The following USP19 variants were observed in gnomAD, a reference collection of about 807,000 sequenced individuals.
USP19 encodes ubiquitin carboxyl-terminal hydrolase 19.
USP19 carries 40 observed loss-of-function variants against 144.8 expected under a neutral mutation model. That is an observed-to-expected ratio of 0.28 (90% CI 0.21 to 0.36). The LOEUF is 0.36. Ranked by LOEUF, USP19 falls within the 10% of genes least tolerant of loss-of-function variation. USP19 has a pLI of 1.00. For synonymous variants in USP19, 701 were observed against 709.3 expected (o/e 0.99, Z 0.19); for missense variants, 1,518 against 1,822.5 (o/e 0.83, Z 3.04).
Position 49,108,539 on chromosome 3 carries a change from A to C in USP19, c.4039-11T>G. ...GCCAGGGCCTAGTCCCTGCAACAGAATACGAGGACAGGGGTTGGGGGCTGC... is the reference window on the plus strand; with the variant it reads ...GCCAGGGCCTAGTCCCTGCAACAGACTACGAGGACAGGGGTTGGGGGCTGC... On this transcript the variant is annotated splice_polypyrimidine_tract_variant and intron_variant, in intron 26 of 26. Transcript: ENST00000417901. The surrounding 1 kb of genome is among the most constrained non-coding windows in gnomAD (Gnocchi z 4.8). The C allele has an allele frequency of 2.4e-6, 3 of 1,233,576 alleles. No homozygotes were observed. The highest frequency in any genetic ancestry group is 1.0e-6 in the Non-Finnish European group (1 of 964,324). 76.4% of individuals were successfully genotyped at this position (1,233,576 alleles called of 1,614,324 possible).
chr3:49,114,952 C>A lies in USP19; in HGVS notation c.2181+7G>T. ...AGACATGCCCACCCTCTGTCCCTAACCCTGACCTCATCGGGCCGCCCATCT... is the reference window on the plus strand; with the variant it reads ...AGACATGCCCACCCTCTGTCCCTAAACCTGACCTCATCGGGCCGCCCATCT... On this transcript the variant is annotated splice_region_variant and intron_variant, in intron 14 of 26. Coordinates refer to ENST00000417901, the MANE Select transcript of USP19 (RefSeq NM_001199161.2). The surrounding 1 kb of genome is among the most constrained non-coding windows in gnomAD (Gnocchi z 4.5). The A allele has an allele frequency of 6.2e-7, 1 of 1,614,208 alleles. No homozygotes were observed. The highest frequency in any genetic ancestry group is 8.5e-7 in the Non-Finnish European group (1 of 1,180,040).
Position 49,117,760 on chromosome 3 carries a change from A to T in USP19, c.369T>A (p.Ser123Arg), listed in dbSNP as rs774880165. ...GAAGCTTGACAATCACCTCTTCTGC[A>T]CTCTGCCTCCAATCGAGCAACAACT... ...TPELLLDWRQ[S>R]AEEVIVKLRV... The change falls in exon 4 of 27, where the codon AGT (serine) becomes AGA (arginine). Residue 123 changes from serine (S) to arginine (R), a missense_variant. This residue lies in a region of USP19 where 707 missense variants were observed against 728.9 expected (regional missense o/e 0.97). Transcript: ENST00000417901. The surrounding 1 kb of genome is among the most constrained non-coding windows in gnomAD (Gnocchi z 4.4). 1 of 1,614,128 alleles carries T rather than the reference A, an allele frequency of 6.2e-7. No homozygotes were observed. Among genetic ancestry groups the T allele is most frequent in the Admixed American group, 1.7e-5 (1 of 60,024 alleles).
In USP19 at chr3:49,108,624, G is replaced by A; in HGVS notation, c.4039-96C>T. ...TTGGAGCCCTGGCACCCAAGGGAGG[G>A]TCCCAAGGCAGGCGCAGACAGCAGC... is the stretch of plus-strand genomic sequence containing the variant. On this transcript the variant is annotated intron_variant, in intron 26 of 26. Coordinates refer to ENST00000417901, the MANE Select transcript of USP19 (RefSeq NM_001199161.2). The surrounding 1 kb of genome is among the most constrained non-coding windows in gnomAD (Gnocchi z 4.8). 8.0e-7 allele frequency: 1 copy of A among 1,252,192 alleles called. No homozygotes were observed. 77.6% of individuals were successfully genotyped at this position (1,252,192 alleles called of 1,614,324 possible). A position where few individuals can be genotyped will look rare whatever the true frequency, so the allele number is the denominator to read the frequency against.
Position 49,111,179 on chromosome 3 carries a change from A to C in USP19, c.3329-13T>G, listed in dbSNP as rs763448194. On this transcript the variant is annotated splice_polypyrimidine_tract_variant and intron_variant, in intron 22 of 26. Coordinates refer to ENST00000417901, the MANE Select transcript of USP19 (RefSeq NM_001199161.2). This position sits in a 1 kb window ranked among gnomAD's most constrained non-coding sequence, Gnocchi z 5.9. ...AGTGGGGTGTCTCCTGGAGATTCGC[A>C]GGGAGAGAGGTCATGCAGCTGTGGA... 8 of 1,613,968 alleles carry C rather than the reference A, an allele frequency of 5.0e-6. No homozygotes were observed. The highest frequency in any genetic ancestry group is 6.8e-6 in the Non-Finnish European group (8 of 1,180,024).
intron 1 of USP19, among the ~76,000 whole-genome samples, chr3:49,120,271 G>A (rs898651904): frequency 6.6e-6 from 1 of 152,212 alleles, no homozygotes; most frequent in African/African-American, 2.4e-5. Flanking sequence ...AGGAGGGATG[G>A]CAGGATACCC....
chr3:49,112,771 G>T lies in USP19; in HGVS notation c.2506-142C>A. 1 of 1,204,424 alleles carries T rather than the reference G, an allele frequency of 8.3e-7. No homozygotes were observed. Among genetic ancestry groups the T allele is most frequent in the Non-Finnish European group, 1.1e-6 (1 of 886,516 alleles). 74.6% of individuals were successfully genotyped at this position (1,204,424 alleles called of 1,614,324 possible). On this transcript the variant is annotated intron_variant, in intron 17 of 26. Coordinates refer to ENST00000417901, the MANE Select transcript of USP19 (RefSeq NM_001199161.2). The surrounding 1 kb of genome is among the most constrained non-coding windows in gnomAD (Gnocchi z 4.9). ...TAGGCCCAAATAGGCTTATGCCTCT[G>T]CTGGCACCTGTCTCAGTGCCCAATG...
chr3:49,114,713 G>C lies in USP19; in HGVS notation c.2292+50C>G. On this transcript the variant is annotated intron_variant, in intron 15 of 26. Coordinates refer to ENST00000417901, the MANE Select transcript of USP19 (RefSeq NM_001199161.2). The surrounding 1 kb of genome is among the most constrained non-coding windows in gnomAD (Gnocchi z 4.5). ...CATGCCTCTGAACCTAATGTGACCA[G>C]AATAGCTGAGCTGAACTAGGGGGTC... is the stretch of plus-strand genomic sequence containing the variant. 1 of 1,593,978 alleles carries C rather than the reference G, an allele frequency of 6.3e-7. No homozygotes were observed. Among genetic ancestry groups the C allele is most frequent in the Non-Finnish European group, 8.6e-7 (1 of 1,162,856 alleles).
At position 49,118,196 on chromosome 3, in the gene USP19, T is replaced by C. The variant is rs554933876; in HGVS notation, c.125-76A>G. On this transcript the variant is annotated intron_variant, in intron 2 of 26. Coordinates refer to ENST00000417901, the MANE Select transcript of USP19 (RefSeq NM_001199161.2). ...AGGAGGACTGCTTGAGCCCAGGACTTTGAGGATGCAGTAAGCTACGATCAC... is the reference window on the plus strand; with the variant it reads ...AGGAGGACTGCTTGAGCCCAGGACTCTGAGGATGCAGTAAGCTACGATCAC... 9.6e-6 allele frequency: 6 copies of C among 626,226 alleles called. No individual in the cohort carries two copies. In the East Asian group the frequency reaches 1.7e-4, roughly 17 times the overall value. The allele number at this position is 626,226 out of a possible 1,614,324, so 38.8% of individuals were successfully genotyped here. A position where few individuals can be genotyped will look rare whatever the true frequency, so the allele number is the denominator to read the frequency against.
At chr3:49,109,074 G>A (rs776364695) in intron 26 of USP19, 18 of 1,607,300 alleles carry the variant, frequency 1.1e-5, no homozygotes, top group Non-Finnish European at 1.4e-5. Context: ...GGTGTGGTAG[G>A]GCCACGTGGT....
chr3:49,108,372 G>C lies in USP19; in HGVS notation c.*40C>G, dbSNP rs1484871961. On this transcript the variant is annotated 3_prime_UTR_variant, in exon 27 of 27. Transcript: ENST00000417901. The surrounding 1 kb of genome is among the most constrained non-coding windows in gnomAD (Gnocchi z 4.8). ...CGGCAAGGAGCTGGCCCTCTGTGTG[G>C]GTGTCCCAAACCCAGTCCCCCCCAT... The C allele has an allele frequency of 1.3e-6, 1 of 785,236 alleles. No homozygotes were observed. Among genetic ancestry groups the C allele is most frequent in the African/African-American group, 1.8e-5 (1 of 54,114 alleles). 48.6% of individuals were successfully genotyped at this position (785,236 alleles called of 1,614,324 possible).
chr3:49,116,411 C>G lies in USP19; in HGVS notation c.1283+40G>C, dbSNP rs1373497819. On this transcript the variant is annotated intron_variant, in intron 8 of 26. Coordinates refer to ENST00000417901, the MANE Select transcript of USP19 (RefSeq NM_001199161.2). This position sits in a 1 kb window ranked among gnomAD's most constrained non-coding sequence, Gnocchi z 5.0. ...GAGGAAGAGCATGAGACATACTGTC[C>G]CACCTGAGGCATTGTTTGCCCCATC... The G allele has an allele frequency of 6.2e-7, 1 of 1,613,940 alleles. No homozygotes were observed. The highest frequency in any genetic ancestry group is 1.1e-5 in the South Asian group (1 of 91,082).
At position 49,117,918 on chromosome 3, in the gene USP19, T is replaced by C. The variant is rs1272839925; in HGVS notation, c.298+29A>G. On this transcript the variant is annotated intron_variant, in intron 3 of 26. Coordinates refer to ENST00000417901, the MANE Select transcript of USP19 (RefSeq NM_001199161.2). The surrounding 1 kb of genome is among the most constrained non-coding windows in gnomAD (Gnocchi z 4.4). Reference sequence around the variant, plus strand: ...ATTGCAAGTGCCCCCTCCCCTTCCCTAGCAACAAAAAGCCCATTCGTTACT... The same window carrying C: ...ATTGCAAGTGCCCCCTCCCCTTCCCCAGCAACAAAAAGCCCATTCGTTACT... The C allele has an allele frequency of 6.2e-7, 1 of 1,612,522 alleles. No individual in the cohort carries two copies. The highest frequency in any genetic ancestry group is 8.5e-7 in the Non-Finnish European group (1 of 1,179,632).
In USP19 at chr3:49,116,309, G is replaced by A. The variant is rs2044118407; in HGVS notation, c.1326C>T (p.His442=). The A allele has an allele frequency of 3.1e-6, 5 of 1,613,170 alleles. No homozygotes were observed. Among genetic ancestry groups the A allele is most frequent in the Admixed American group, 1.7e-5 (1 of 59,958 alleles). The change falls in exon 9 of 27, where the codon CAC becomes CAT. Residue 442 remains histidine, a synonymous_variant. Coordinates refer to ENST00000417901, the MANE Select transcript of USP19 (RefSeq NM_001199161.2). The surrounding 1 kb of genome is among the most constrained non-coding windows in gnomAD (Gnocchi z 5.0). ...FLRLHPGCGP[H]TTFRWQVKLR... ...GCTTCACCTGCCAACGGAAGGTGGT[G>A]TGGGGCCCACAGCCCGGGTGCAGCC... is the stretch of plus-strand genomic sequence containing the variant.
Position 49,115,437 on chromosome 3 carries a change from C to A in USP19, c.1888+7G>T. 1 of 1,613,872 alleles carries A rather than the reference C, an allele frequency of 6.2e-7. No homozygotes were observed. The highest frequency in any genetic ancestry group is 8.5e-7 in the Non-Finnish European group (1 of 1,179,744). On this transcript the variant is annotated splice_region_variant and intron_variant, in intron 12 of 26. Coordinates refer to ENST00000417901, the MANE Select transcript of USP19 (RefSeq NM_001199161.2). The surrounding 1 kb of genome is among the most constrained non-coding windows in gnomAD (Gnocchi z 6.6). ...CCCATAACCCAGGCTCCAGGCCCTG[C>A]CCTCACCATGGAAGAAGTCCCGGAG...
Position 49,110,735 on chromosome 3 carries a change from T to C in USP19, c.3674A>G (p.Asn1225Ser), listed in dbSNP as rs1050596905. Residue 1225 changes from asparagine (N) to serine (S), a missense_variant, in exon 24 of 27, where the codon AAT (asparagine) becomes AGT (serine). This residue lies in a region of USP19 where 122 missense variants were observed against 200.4 expected (regional missense o/e 0.61). Transcript: ENST00000417901. This position sits in a 1 kb window ranked among gnomAD's most constrained non-coding sequence, Gnocchi z 6.1. ...CCTAACAGGGAACTCCACCAAGTCA[T>C]TGATCTTGTCACGCCAGATAAAACT... ...FRSFIWRDKI[N>S]DLVEFPVRNL... 1.2e-6 allele frequency: 2 copies of C among 1,614,094 alleles called. No homozygotes were observed. Among genetic ancestry groups the C allele is most frequent in the African/African-American group, 2.7e-5 (2 of 75,068 alleles).
At position 49,112,492 on chromosome 3, in the gene USP19, T is replaced by C. The variant is rs1205994439; in HGVS notation, c.2643A>G (p.Gln881=). ...AKERVVVLEV[Q]QRPQVPSVPI... Reference sequence around the variant, plus strand: ...CATCAGGTTGGCCCCCACTCACCTGTTGCACCTCTAGCACCACTACCCGCT... The same window carrying C: ...CATCAGGTTGGCCCCCACTCACCTGCTGCACCTCTAGCACCACTACCCGCT... Residue 881 remains glutamine (Q), a synonymous_variant, in exon 18 of 27, where the codon CAA becomes CAG. Coordinates refer to ENST00000417901, the MANE Select transcript of USP19 (RefSeq NM_001199161.2). The surrounding 1 kb of genome is among the most constrained non-coding windows in gnomAD (Gnocchi z 4.9). 1 of 1,613,584 alleles carries C rather than the reference T, an allele frequency of 6.2e-7. No homozygotes were observed. The highest frequency in any genetic ancestry group is 1.1e-5 in the South Asian group (1 of 91,072).
intron 17 of USP19, among the ~76,000 whole-genome samples, 154 bp downstream of exon 17, chr3:49,113,838 C>T (rs1025634532): frequency 6.6e-6 from 1 of 152,076 alleles, no homozygotes; most frequent in Non-Finnish European, 1.5e-5. Flanking sequence ...AAGTGATCTG[C>T]CCACCTCGGC....
Position 49,114,079 on chromosome 3 carries a change from G to A in USP19, c.2418C>T (p.Val806=). Reference sequence around the variant, plus strand: ...CGCTCGCAGTGGAGTTCTCCTTGCTGACGCTCACCAGGAACTGTGGCAAAA... The same window carrying A: ...CGCTCGCAGTGGAGTTCTCCTTGCTAACGCTCACCAGGAACTGTGGCAAAA... ...HSKPIKFLVS[V]SKENSTASEV... is the part of the protein sequence containing the mutation. Residue 806 remains valine, a synonymous_variant, in exon 17 of 27, where the codon GTC becomes GTT. Coordinates refer to ENST00000417901, the MANE Select transcript of USP19 (RefSeq NM_001199161.2). The surrounding 1 kb of genome is among the most constrained non-coding windows in gnomAD (Gnocchi z 4.5). 2 of 1,614,216 alleles carry A rather than the reference G, an allele frequency of 1.2e-6. No homozygotes were observed. The highest frequency in any genetic ancestry group is 1.7e-6 in the Non-Finnish European group (2 of 1,180,040).
chr3:49,108,905 A>C lies in USP19; in HGVS notation c.4039-377T>G. ...GGTGTTCCCCACAACAAAGGCAGGC[A>C]TGGCCTGGGGCAGGCAGGTAGGCCA... On this transcript the variant is annotated intron_variant, in intron 26 of 26. Coordinates refer to ENST00000417901, the MANE Select transcript of USP19 (RefSeq NM_001199161.2). The surrounding 1 kb of genome is among the most constrained non-coding windows in gnomAD (Gnocchi z 4.8). 6.4e-7 allele frequency: 1 copy of C among 1,556,242 alleles called. No individual in the cohort carries two copies. Among genetic ancestry groups the C allele is most frequent in the African/African-American group, 1.4e-5 (1 of 73,484 alleles).
Sources: allele counts gnomAD v4.1 joint callset (sites outside exome capture counted in the v4.1 genomes callset), GRCh38; gene constraint gnomAD v4.1.1; regional missense constraint gnomAD v4.1.1; non-coding constraint Gnocchi (gnomAD v3.1); transcripts MANE v1.5; gene names NCBI Gene and HGNC (gene_info 2026-07-23, HGNC 2026-07-21).